NOTCH1: variants seen among roughly 807,000 people sequenced by gnomAD.
NOTCH1 encodes notch receptor 1.
NOTCH1 carries 37 observed loss-of-function variants against 254.8 expected under a neutral mutation model. The observed-to-expected ratio is 0.15, with a 90% confidence interval of 0.11 to 0.19. The LOEUF (loss-of-function observed/expected upper bound fraction) is 0.19, where lower values mean the gene tolerates loss of function less well. Ranked by LOEUF, NOTCH1 falls within the 10% of genes least tolerant of loss-of-function variation. The pLI is 1.00. For synonymous variants in NOTCH1, 1,731 were observed against 1,618.1 expected (o/e 1.07, Z -1.68); for missense variants, 2,972 against 3,708.6 (o/e 0.80, Z 5.16).
intron 4 of NOTCH1, among the ~76,000 whole-genome samples, chr9:136,520,309 G>A (rs192142840): frequency 9.2e-5 from 14 of 151,952 alleles, no homozygotes; most frequent in African/African-American, 3.1e-4. Flanking sequence ...CCACCTGCTC[G>A]GCCCCTCCCT....
intron 2 of NOTCH1, among the ~76,000 whole-genome samples, chr9:136,537,398 C>T (rs894544264): frequency 5.9e-5 from 9 of 152,160 alleles, no homozygotes; most frequent in African/African-American, 1.9e-4. Flanking sequence ...TCATAGGCAA[C>T]GTCCAGAAGA....
rs1457591238 is a variant in NOTCH1 at position 136,545,815 on chromosome 9, G to C, written c.-29C>G. On this transcript the variant is annotated 5_prime_UTR_variant, in exon 1 of 34. Transcript: ENST00000651671. The surrounding 1 kb of genome is among the most constrained non-coding windows in gnomAD (Gnocchi z 6.8). The stretch of plus-strand genomic sequence containing the variant: ...TCCCCACCGGCTGCCCTCTGCGCCC[G>C]GGCGGCGGCCTCCTGCGCTGGCCGG... 4 of 1,232,208 alleles carry C rather than the reference G, an allele frequency of 3.2e-6. No individual in the cohort carries two copies. Among genetic ancestry groups the C allele is most frequent in the Non-Finnish European group, 3.1e-6 (3 of 983,084 alleles). 76.3% of individuals were successfully genotyped at this position (1,232,208 alleles called of 1,614,324 possible).
chr9:136,497,182 C>A lies in NOTCH1; in HGVS notation c.6557G>T (p.Gly2186Val), dbSNP rs757589247. 44 of 1,612,822 alleles carry A rather than the reference C, an allele frequency of 2.7e-5. No homozygotes were observed. The East Asian group carries it at 9.4e-4, about 34-fold the overall frequency. Reference protein sequence around the residue: ...LKARRKKSQDGKGCLLDSSGM... With the variant: ...LKARRKKSQDVKGCLLDSSGM... Reference sequence around the variant, plus strand: ...GGAGCTGTCCAGCAGGCAGCCCTTGCCGTCCTGGGACTTCTTCCTCCGTGC... The same window carrying A: ...GGAGCTGTCCAGCAGGCAGCCCTTGACGTCCTGGGACTTCTTCCTCCGTGC... Residue 2186 changes from glycine to valine, a missense_variant, in exon 34 of 34, where the codon GGC becomes GTC. Gly to Val is a moderately radical substitution (Grantham distance 109, BLOSUM62 -3). Around this residue, in one of 8 missense-constraint regions of NOTCH1, gnomAD observed 529 missense variants for 529.2 expected, o/e 1.00. Coordinates refer to ENST00000651671, the MANE Select transcript of NOTCH1 (RefSeq NM_017617.5).
chr9:136,516,396 G>A lies in NOTCH1; in HGVS notation c.1556-302C>T, dbSNP rs893998580. Among the ~76,000 whole-genome samples the A allele has an allele frequency of 9.8e-5, 15 of 152,328 alleles. No individual in the cohort carries two copies. The East Asian group carries it at 2.7e-3, about 27-fold the overall frequency. On this transcript the variant is annotated intron_variant, in intron 9 of 33. Coordinates refer to ENST00000651671, the MANE Select transcript of NOTCH1 (RefSeq NM_017617.5). Reference sequence around the variant, plus strand: ...CTCCCCTCGCTCCAGTGTCTGGGACGGGTAATCTATGTCTTGGGAGCCTAG... The same window carrying A: ...CTCCCCTCGCTCCAGTGTCTGGGACAGGTAATCTATGTCTTGGGAGCCTAG...
Position 136,507,948 on chromosome 9 carries a change from C to A in NOTCH1, c.3510+7G>T, listed in dbSNP as rs1005260379. On this transcript the variant is annotated splice_region_variant and intron_variant, in intron 21 of 33. Coordinates refer to ENST00000651671, the MANE Select transcript of NOTCH1 (RefSeq NM_017617.5). ...GCCACAACCCTTACCCTAGGAGGGA[C>A]CCCCACCTTGCAGGAGTAGCCGCCC... 3.1e-6 allele frequency: 5 copies of A among 1,611,992 alleles called. No individual in the cohort carries two copies. In the African/African-American group the frequency reaches 6.7e-5, roughly 22 times the overall value.
At chr9:136,507,103 G>A (rs1411797712) in intron 22 of NOTCH1, 130 bp from the exon 23 acceptor site, 1 of 1,477,722 alleles carries the variant, frequency 6.8e-7, no homozygotes, top group Admixed American at 2.0e-5. Flanking sequence ...AGGTGTCAAG[G>A]GTGCCGTGGA....
In NOTCH1 at chr9:136,505,017, C is replaced by T. The variant is rs913505385; in HGVS notation, c.4674G>A (p.Gly1558=). 1.9e-6 allele frequency: 3 copies of T among 1,604,868 alleles called. No homozygotes were observed. In the East Asian group the frequency reaches 6.7e-5, roughly 36 times the overall value. ...CGGGTACATGCTCCGCACAGTCCAG[C>T]CCGTCCCACTCGCACTCCGCGCTGT... The part of the protein sequence containing the change: ...GCNSAECEWD[G]LDCAEHVPER... Residue 1558 remains glycine, a synonymous_variant, in exon 26 of 34, where the codon GGG becomes GGA. Coordinates refer to ENST00000651671, the MANE Select transcript of NOTCH1 (RefSeq NM_017617.5).
In NOTCH1 at chr9:136,515,675, C is replaced by A. The variant is rs373125283; in HGVS notation, c.1711G>T (p.Asp571Tyr). The A allele has an allele frequency of 9.6e-6, 15 of 1,561,058 alleles. No individual in the cohort carries two copies. The highest frequency in any genetic ancestry group is 1.3e-5 in the Non-Finnish European group (15 of 1,158,588). ...GAGCCGTAGTGGCAGGGGTCGGGGT[C>A]GCACTCATCGATGTCCACCTCGCAG... Reference protein sequence around the residue: ...THCEVDIDECDPDPCHYGSCK... With the variant: ...THCEVDIDECYPDPCHYGSCK... Residue 571 changes from aspartate to tyrosine, a missense_variant, in exon 11 of 34, where the codon GAC becomes TAC. By Grantham distance (160) the Asp-to-Tyr change is radical. This residue lies in a region of NOTCH1 where 128 missense variants were observed against 193.8 expected (regional missense o/e 0.66). Transcript: ENST00000651671.
intron 2 of NOTCH1, among the ~76,000 whole-genome samples, chr9:136,530,786 G>A (rs1296561925): frequency 6.6e-6 from 1 of 152,344 alleles, no homozygotes; most frequent in Middle Eastern, 3.4e-3. Flanking sequence ...CCGGGGCTCT[G>A]CTCCCAAGAA....
intron 13 of NOTCH1, among the ~76,000 whole-genome samples, 193 bp downstream of exon 13, chr9:136,514,317 C>T (rs920714895): frequency 3.3e-5 from 5 of 152,238 alleles, no homozygotes; most frequent in Admixed American, 2.0e-4. Context: ...CAGCACACAG[C>T]TGCTGGGTGT....
intron 2 of NOTCH1, 180 bp downstream of exon 2, chr9:136,543,844 A>G: frequency 1.4e-6 from 1 of 702,508 alleles, no homozygotes; most frequent in Non-Finnish European, 2.6e-6. Context: ...CACACGCAGC[A>G]TAATTGCTGG....
At chr9:136,512,484 T>C (rs924310407) in intron 15 of NOTCH1, among the ~76,000 whole-genome samples, 1 of 152,152 alleles carries the variant, frequency 6.6e-6, no homozygotes, top group African/African-American at 2.4e-5. Flanking sequence ...GGCTGGACAG[T>C]TGGGGGAACA....
intron 2 of NOTCH1, among the ~76,000 whole-genome samples, chr9:136,525,040 C>T (rs1165285251): frequency 3.3e-5 from 5 of 152,194 alleles, no homozygotes; most frequent in Non-Finnish European, 7.3e-5. Flanking sequence ...TCCCTGCCCA[C>T]GCTCAGCCCC....
chr9:136,504,644 A>G (rs2133335516), intron 26 of NOTCH1, 29 bp downstream of exon 26: 1 of 1,485,882 alleles, frequency 6.7e-7, no homozygotes. Flanking sequence ...AGTTGCGGGG[A>G]TTGACCGTGG....
intron 2 of NOTCH1, among the ~76,000 whole-genome samples, chr9:136,525,012 G>A (rs1179989322): frequency 6.6e-6 from 1 of 152,192 alleles, no homozygotes; most frequent in Non-Finnish European, 1.5e-5. Flanking sequence ...ATCGCACTGG[G>A]GATGAAGGCT....
Position 136,508,358 on chromosome 9 carries a change from G to C in NOTCH1, c.3199C>G (p.Pro1067Ala), listed in dbSNP as rs2133347635. The change falls in exon 20 of 34, where the codon CCC becomes GCC. Residue 1067 changes from proline to alanine, a missense_variant. Pro to Ala is a conservative substitution (Grantham distance 27, BLOSUM62 -1). Around this residue, in one of 8 missense-constraint regions of NOTCH1, gnomAD observed 1,343 missense variants for 1,557.0 expected, o/e 0.86. Transcript: ENST00000651671. ...CAGCATTTGCCGCCGTTCTTGCAGGGCGAGGAGTCACACCAGTGCACAAGG... is the reference window on the plus strand; with the variant it reads ...CAGCATTTGCCGCCGTTCTTGCAGGCCGAGGAGTCACACCAGTGCACAAGG... ...QNLVHWCDSS[P>A]CKNGGKCWQT... The C allele has an allele frequency of 6.2e-7, 1 of 1,613,276 alleles. No individual in the cohort carries two copies. Among genetic ancestry groups the C allele is most frequent in the South Asian group, 1.1e-5 (1 of 91,092 alleles).
In NOTCH1 at chr9:136,507,396, G is replaced by A. The variant is rs773375573; in HGVS notation, c.3552C>T (p.Ile1184=). Residue 1184 remains isoleucine (I), a synonymous_variant, in exon 22 of 34, where the codon ATC becomes ATT. Transcript: ENST00000651671. ...GGCAGGGGTGGGAGAGGCACTCGTC[G>A]ATCTCCTCAGAGCAGTTCACCCCGT... is the stretch of plus-strand genomic sequence containing the variant. ...GYHGVNCSEE[I]DECLSHPCQN... is the part of the protein sequence containing the mutation. The A allele has an allele frequency of 2.8e-5, 45 of 1,610,802 alleles. No homozygotes were observed. Among genetic ancestry groups the A allele is most frequent in the African/African-American group, 4.0e-5 (3 of 74,806 alleles).
At position 136,514,591 on chromosome 9, in the gene NOTCH1, T is replaced by C. The variant is rs373233257; in HGVS notation, c.2126A>G (p.His709Arg). The C allele has an allele frequency of 1.1e-4, 181 of 1,608,536 alleles. No individual in the cohort carries two copies. Among genetic ancestry groups the C allele is most frequent in the Non-Finnish European group, 1.4e-4 (163 of 1,178,494 alleles). The change falls in exon 13 of 34, where the codon CAC becomes CGC. Residue 709 changes from histidine (H) to arginine (R), a missense_variant. Physicochemically the swap from His to Arg is conservative, Grantham distance 29. Transcript: ENST00000651671. ...GFTCRCPEGYHDPTCLSEVNE... is the reference protein window; with the variant it reads ...GFTCRCPEGYRDPTCLSEVNE... ...GACCTCAGACAGGCAGGTGGGGTCG[T>C]GGTAGCCCTCGGGGCAGCGGCAGGT...
chr9:136,507,177 G>A (rs943962208), intron 22 of NOTCH1, 128 bp downstream of exon 22: 97 of 1,540,622 alleles, frequency 6.3e-5, no homozygotes, highest in Non-Finnish European at 8.1e-5. Context: ...AGTCGGCCTT[G>A]GCCTCACACA....
Sources: allele counts gnomAD v4.1 joint callset (sites outside exome capture counted in the v4.1 genomes callset), GRCh38; gene constraint gnomAD v4.1.1; regional missense constraint gnomAD v4.1.1; non-coding constraint Gnocchi (gnomAD v3.1); transcripts MANE v1.5; gene names NCBI Gene and HGNC (gene_info 2026-07-23, HGNC 2026-07-21).